The following RTN2 variants were observed in gnomAD, a reference collection of about 807,000 sequenced individuals.
The protein encoded by RTN2 is reticulon-2.
RTN2 carries 36 observed loss-of-function variants against 63.7 expected under a neutral mutation model. The ratio of observed to expected loss-of-function variants is 0.56; its 90% CI spans 0.43 to 0.75. RTN2 has a LOEUF of 0.75. Among genes scored for constraint, RTN2 ranks in the 30% least tolerant of loss-of-function variants. The pLI is 0.00. For missense variants in RTN2, 673 were observed against 705.1 expected (o/e 0.95, Z 0.52); for synonymous variants, 312 against 313.0 (o/e 1.00, Z 0.03).
In RTN2 at chr19:45,485,574, T is replaced by C; in HGVS notation, c.*134A>G. On this transcript the variant is annotated 3_prime_UTR_variant, in exon 11 of 11. Transcript: ENST00000245923. ...CAGGTAATTAGCGCAGAGTCCCTAG[T>C]GGGAGTGATCCTGACACCCACCGGG... 2 of 701,206 alleles carry C rather than the reference T, an allele frequency of 2.9e-6. No individual in the cohort carries two copies. The highest frequency in any genetic ancestry group is 5.1e-6 in the Non-Finnish European group (2 of 394,334). The allele number at this position is 701,206 out of a possible 1,614,324, so 43.4% of individuals were successfully genotyped here. A position where few individuals can be genotyped will look rare whatever the true frequency, so the allele number is the denominator to read the frequency against.
intron 10 of RTN2, 36 bp downstream of exon 10, chr19:45,486,019 T>G: frequency 1.2e-6 from 2 of 1,602,462 alleles, no homozygotes; most frequent in Non-Finnish European, 1.7e-6. Flanking sequence ...GCTCCCCCAC[T>G]TCCCCCTCCC....
chr19:45,489,934 G>GC (rs1968118179), intron 5 of RTN2, among the ~76,000 whole-genome samples: 2 of 151,958 alleles, frequency 1.3e-5, no homozygotes, highest in South Asian at 4.2e-4. Flanking sequence ...TTATCCTCCT[G>GC]CATCAGCCCT....
In RTN2 at chr19:45,496,976, C is replaced by T. The variant is rs1381437016; in HGVS notation, c.-151G>A. 1.2e-5 allele frequency: 4 copies of T among 334,402 alleles called. No homozygotes were observed. Among genetic ancestry groups the T allele is most frequent in the Admixed American group, 5.1e-5 (1 of 19,640 alleles). 20.7% of individuals were successfully genotyped at this position (334,402 alleles called of 1,614,324 possible). A position where few individuals can be genotyped will look rare whatever the true frequency, so the allele number is the denominator to read the frequency against. ...CGGGCTGCTCCAGCCGCCGCCGCCG[C>T]CGCCGCCGCCGCCGCCGCCCTGGTG... On this transcript the variant is annotated 5_prime_UTR_variant, in exon 1 of 11. Transcript: ENST00000245923.
chr19:45,496,941 C>T lies in RTN2; in HGVS notation c.-116G>A. ...ACGACGCCGCTGCCATTCTCGCCGC[C>T]TCCTCCTCCCGGGCTGCTCCAGCCG... On this transcript the variant is annotated 5_prime_UTR_variant, in exon 1 of 11. Coordinates refer to ENST00000245923, the MANE Select transcript of RTN2 (RefSeq NM_005619.5). The T allele has an allele frequency of 1.8e-6, 1 of 545,408 alleles. No homozygotes were observed. Among genetic ancestry groups the T allele is most frequent in the East Asian group, 3.8e-5 (1 of 26,636 alleles). The allele number at this position is 545,408 out of a possible 1,614,324, so 33.8% of individuals were successfully genotyped here. A position where few individuals can be genotyped will look rare whatever the true frequency, so the allele number is the denominator to read the frequency against.
At chr19:45,491,192 A>ATTT (rs540698296) in intron 5 of RTN2, among the ~76,000 whole-genome samples, 1 of 141,278 alleles carries the variant, frequency 7.1e-6, no homozygotes. Flanking sequence ...GCCCGGCCAC[A>ATTT]TTTTTTTTTT....
At position 45,494,658 on chromosome 19, in the gene RTN2, G is replaced by T. The variant is rs371978046; in HGVS notation, c.427C>A (p.Arg143=). The T allele has an allele frequency of 6.2e-7, 1 of 1,613,692 alleles. No individual in the cohort carries two copies. The highest frequency in any genetic ancestry group is 8.5e-7 in the Non-Finnish European group (1 of 1,180,030). The change falls in exon 3 of 11, where the codon CGG becomes AGG. Residue 143 remains arginine (R), a synonymous_variant. Coordinates refer to ENST00000245923, the MANE Select transcript of RTN2 (RefSeq NM_005619.5). The surrounding 1 kb of genome is among the most constrained non-coding windows in gnomAD (Gnocchi z 5.3). ...GCCACCCAGCCCAGATGGTCCAACC[G>T]AAGCCTCAGGTCTTCCAGAGGGCGC... is the stretch of plus-strand genomic sequence containing the variant. The part of the protein sequence containing the change: ...SERPLEDLRL[R]LDHLGWVARG...
chr19:45,485,508 T>C lies in RTN2; in HGVS notation c.*200A>G, dbSNP rs547149523. 2 of 585,352 alleles carry C rather than the reference T, an allele frequency of 3.4e-6. No homozygotes were observed. The highest frequency in any genetic ancestry group is 4.1e-5 in the South Asian group (2 of 48,728). The allele number at this position is 585,352 out of a possible 1,614,324, so 36.3% of individuals were successfully genotyped here. A position where few individuals can be genotyped will look rare whatever the true frequency, so the allele number is the denominator to read the frequency against. ...CCAAGGTGCCTCGTCTTTCCTGGAC[T>C]CCTGGAGCAGAGCCTCTTGGGAAAT... is the stretch of plus-strand genomic sequence containing the variant. On this transcript the variant is annotated 3_prime_UTR_variant, in exon 11 of 11. Coordinates refer to ENST00000245923, the MANE Select transcript of RTN2 (RefSeq NM_005619.5).
At position 45,496,844 on chromosome 19, in the gene RTN2, A is replaced by T; in HGVS notation, c.-19T>A. On this transcript the variant is annotated 5_prime_UTR_variant, in exon 1 of 11. The change abolishes an upstream ATG in the 5' untranslated region. Transcript: ENST00000245923. The stretch of plus-strand genomic sequence containing the variant: ...GCCCCATGGCCCCCCTCGGGCCTGC[A>T]TCGGGACCCCCGCCCACTCCGGCTG... 6.8e-7 allele frequency: 1 copy of T among 1,466,694 alleles called. No homozygotes were observed. The highest frequency in any genetic ancestry group is 2.8e-5 in the East Asian group (1 of 36,018). The allele number at this position is 1,466,694 out of a possible 1,614,324, so 90.9% of individuals were successfully genotyped here.
intron 5 of RTN2, among the ~76,000 whole-genome samples, chr19:45,490,738 G>A (rs897093566): frequency 1.3e-5 from 2 of 151,608 alleles, no homozygotes; most frequent in African/African-American, 2.4e-5. Context: ...CACCACACCC[G>A]GCTAATTTTT....
At position 45,485,596 on chromosome 19, in the gene RTN2, C is replaced by A. The variant is rs981493296; in HGVS notation, c.*112G>T. 2.4e-6 allele frequency: 2 copies of A among 850,538 alleles called. No individual in the cohort carries two copies. The allele number at this position is 850,538 out of a possible 1,614,324, so 52.7% of individuals were successfully genotyped here. On this transcript the variant is annotated 3_prime_UTR_variant, in exon 11 of 11. Transcript: ENST00000245923. ...TAGTGGGAGTGATCCTGACACCCAC[C>A]GGGAAAAGGCTCGGGCCGAGGAGGG... is the stretch of plus-strand genomic sequence containing the variant.
chr19:45,495,464 A>C (rs1968251553), intron 1 of RTN2, among the ~76,000 whole-genome samples: 1 of 152,146 alleles, frequency 6.6e-6, no homozygotes, highest in South Asian at 2.1e-4. Context: ...AACAGACAAA[A>C]TCCCTGCCCT....
chr19:45,496,400 C>T (rs1165445850), intron 1 of RTN2, among the ~76,000 whole-genome samples: 1 of 152,234 alleles, frequency 6.6e-6, no homozygotes, highest in Non-Finnish European at 1.5e-5. Flanking sequence ...GATGCGAAGG[C>T]AAGTGATTGG....
At position 45,496,904 on chromosome 19, in the gene RTN2, T is replaced by G; in HGVS notation, c.-79A>C. On this transcript the variant is annotated 5_prime_UTR_variant, in exon 1 of 11. Transcript: ENST00000245923. ...GGGCCCGGGGTCGCGGGCGCTCATCTCCGCCGCGCCCACGACGCCGCTGCC... is the reference window on the plus strand; with the variant it reads ...GGGCCCGGGGTCGCGGGCGCTCATCGCCGCCGCGCCCACGACGCCGCTGCC... 1 of 855,928 alleles carries G rather than the reference T, an allele frequency of 1.2e-6. No homozygotes were observed. The highest frequency in any genetic ancestry group is 1.6e-6 in the Non-Finnish European group (1 of 614,512). 53.0% of individuals were successfully genotyped at this position (855,928 alleles called of 1,614,324 possible).
chr19:45,488,608 A>G, intron 8 of RTN2, 29 bp downstream of exon 8: 4 of 1,613,764 alleles, frequency 2.5e-6, no homozygotes, highest in Non-Finnish European at 3.4e-6. Flanking sequence ...CCAAGTCCCC[A>G]TTTGCCCCTT....
intron 5 of RTN2, among the ~76,000 whole-genome samples, chr19:45,492,335 C>T (rs1451330091): frequency 6.6e-6 from 1 of 151,994 alleles, no homozygotes; most frequent in Non-Finnish European, 1.5e-5. Flanking sequence ...GGGAGGATCA[C>T]CTGAGGCCTG....
At position 45,496,849 on chromosome 19, in the gene RTN2, G is replaced by A. The variant is rs1599916533; in HGVS notation, c.-24C>T. 4 of 1,457,688 alleles carry A rather than the reference G, an allele frequency of 2.7e-6. No individual in the cohort carries two copies. The highest frequency in any genetic ancestry group is 1.9e-4 in the Middle Eastern group (1 of 5,328). The allele number at this position is 1,457,688 out of a possible 1,614,324, so 90.3% of individuals were successfully genotyped here. On this transcript the variant is annotated 5_prime_UTR_variant, in exon 1 of 11. Transcript: ENST00000245923. The stretch of plus-strand genomic sequence containing the variant: ...ATGGCCCCCCTCGGGCCTGCATCGG[G>A]ACCCCCGCCCACTCCGGCTGTGCCG...
intron 9 of RTN2, among the ~76,000 whole-genome samples, chr19:45,486,792 T>C (rs1439294756): frequency 6.8e-6 from 1 of 147,052 alleles, no homozygotes; most frequent in Non-Finnish European, 1.5e-5. Flanking sequence ...TGGACTGCAG[T>C]GGTGCAATCT....
chr19:45,485,527 G>A lies in RTN2; in HGVS notation c.*181C>T. On this transcript the variant is annotated 3_prime_UTR_variant, in exon 11 of 11. Transcript: ENST00000245923. ...CTGGACTCCTGGAGCAGAGCCTCTT[G>A]GGAAATGTAGTCCTGGTCGCTCAGG... is the stretch of plus-strand genomic sequence containing the variant. The A allele has an allele frequency of 1.7e-6, 1 of 597,928 alleles. No individual in the cohort carries two copies. The allele number at this position is 597,928 out of a possible 1,614,324, so 37.0% of individuals were successfully genotyped here.
chr19:45,492,138 T>G (rs376574884), intron 5 of RTN2, among the ~76,000 whole-genome samples: 2 of 152,234 alleles, frequency 1.3e-5, no homozygotes, highest in East Asian at 3.9e-4. Context: ...AAGTCCTAAA[T>G]GTATTAATCA....
Sources: allele counts gnomAD v4.1 joint callset (sites outside exome capture counted in the v4.1 genomes callset), GRCh38; gene constraint gnomAD v4.1.1; non-coding constraint Gnocchi (gnomAD v3.1); transcripts MANE v1.5; gene names NCBI Gene and HGNC (gene_info 2026-07-23, HGNC 2026-07-21).